CSMD3: variants seen among roughly 807,000 people sequenced by gnomAD.
The protein encoded by CSMD3 is CUB and Sushi multiple domains 3, also known as CUB and sushi domain-containing protein 3.
A neutral mutation model predicts 435.2 loss-of-function variants in CSMD3; 177 were observed. The observed-to-expected ratio is 0.41, with a 90% confidence interval of 0.36 to 0.46. CSMD3 has a LOEUF of 0.46. Ranked by LOEUF, CSMD3 falls within the 20% of genes least tolerant of loss-of-function variation. The pLI, the probability that CSMD3 is intolerant of heterozygous loss-of-function variation, is 0.34. For missense variants in CSMD3, 4,265 were observed against 4,504.6 expected, an observed-to-expected ratio of 0.95 and a Z score of 1.52; for synonymous variants, 1,656 against 1,520.5, an observed-to-expected ratio of 1.09 and a Z score of -2.07.
chr8:112,876,027 T>C (rs1250402941), intron 10 of CSMD3, among the ~76,000 whole-genome samples: 3 of 152,172 alleles, frequency 2.0e-5, no homozygotes, highest in African/African-American at 7.2e-5. Flanking sequence ...CCTTTTTGCA[T>C]TGGTTTTTCC....
At chr8:112,845,343 A>T (rs1225704370) in intron 11 of CSMD3, among the ~76,000 whole-genome samples, 1 of 152,074 alleles carries the variant, frequency 6.6e-6, no homozygotes, top group African/African-American at 2.4e-5. Context: ...AGTTATGCAG[A>T]GTAAGCTTTC....
chr8:113,166,098 A>G (rs1177067103), intron 4 of CSMD3, among the ~76,000 whole-genome samples: 1 of 152,150 alleles, frequency 6.6e-6, no homozygotes, highest in Non-Finnish European at 1.5e-5. Context: ...TTCAAATACA[A>G]AACTCCCATA....
At position 112,953,127 on chromosome 8, in the gene CSMD3, G is replaced by A. The variant is rs570285378; in HGVS notation, c.1420+1557C>T. Among the ~76,000 whole-genome samples, 9 of 151,082 alleles carry A rather than the reference G, an allele frequency of 6.0e-5. No homozygotes were observed. In the South Asian group the frequency reaches 1.9e-3, roughly 31 times the overall value. ...ATACGTGTAGACAAATTGAGAAGAG[G>A]GTAAGCCATTCTAATACGCTGTAAT... On this transcript the variant is annotated intron_variant, in intron 8 of 70. Transcript: ENST00000297405.
rs201269934 is a variant in CSMD3 at position 113,098,905 on chromosome 8, A to T, written c.768T>A (p.Ser256Arg). The change falls in exon 5 of 71, where the codon AGT (serine) becomes AGA (arginine). Residue 256 changes from serine (S) to arginine (R), a missense_variant. Around this residue, in one of 3 missense-constraint regions of CSMD3, gnomAD observed 731 missense variants for 755.4 expected, o/e 0.97. Transcript: ENST00000297405. ...RGSSGIISSP[S>R]FPNEYHNNAD... is the part of the protein sequence containing the mutation. ...CATTGTTATGGTACTCATTAGGAAA[A>T]CTAGGGCTGGATATGATGCCACTGG... is the stretch of plus-strand genomic sequence containing the variant. 7.4e-6 allele frequency: 12 copies of T among 1,612,924 alleles called. No homozygotes were observed. The East Asian group carries it at 2.7e-4, about 36-fold the overall frequency.
chr8:113,263,698 T>C (rs2093445236), intron 3 of CSMD3, among the ~76,000 whole-genome samples: 1 of 151,860 alleles, frequency 6.6e-6, no homozygotes, highest in Non-Finnish European at 1.5e-5. Flanking sequence ...TGAACATATA[T>C]GATTAAAAGA....
chr8:113,261,217 A>G (rs2093424570), intron 3 of CSMD3, among the ~76,000 whole-genome samples: 1 of 152,162 alleles, frequency 6.6e-6, no homozygotes, highest in African/African-American at 2.4e-5. Flanking sequence ...TAAACTTACC[A>G]AAATAATAAT....
chr8:113,361,331 T>G (rs964568954), intron 1 of CSMD3, among the ~76,000 whole-genome samples: 5 of 152,158 alleles, frequency 3.3e-5, no homozygotes, highest in Non-Finnish European at 7.4e-5. Flanking sequence ...AACCCATATT[T>G]TGAACCAGTT....
chr8:113,004,561 T>C (rs1019781658), intron 6 of CSMD3, among the ~76,000 whole-genome samples: 1 of 152,036 alleles, frequency 6.6e-6, no homozygotes, highest in African/African-American at 2.4e-5. Context: ...TCTTTGACTT[T>C]AATCAGTGGT....
intron 43 of CSMD3, 38 bp downstream of exon 43, chr8:112,337,505 G>A (rs776775397): frequency 1.3e-6 from 2 of 1,515,018 alleles, no homozygotes; most frequent in Non-Finnish European, 1.8e-6. Context: ...AAAAACAGAT[G>A]ACATCACCTA....
chr8:112,362,925 A>T (rs977145379), intron 38 of CSMD3, among the ~76,000 whole-genome samples: 2 of 152,004 alleles, frequency 1.3e-5, no homozygotes, highest in African/African-American at 4.8e-5. Flanking sequence ...TGTTTTTCTC[A>T]AAAACACATT....
intron 3 of CSMD3, among the ~76,000 whole-genome samples, chr8:113,268,984 G>T (rs532368473): frequency 2.0e-5 from 3 of 152,188 alleles, no homozygotes; most frequent in South Asian, 4.1e-4. Flanking sequence ...AAGCTATCAT[G>T]AATTTTAGTC....
intron 11 of CSMD3, among the ~76,000 whole-genome samples, chr8:112,856,103 G>T (rs2080650960): frequency 6.6e-6 from 1 of 151,852 alleles, no homozygotes; most frequent in Non-Finnish European, 1.5e-5. Flanking sequence ...CAAAGACTAG[G>T]TATGTTTAAA....
intron 2 of CSMD3, among the ~76,000 whole-genome samples, chr8:113,278,974 A>G (rs1340559722): frequency 1.3e-5 from 2 of 151,586 alleles, no homozygotes; most frequent in African/African-American, 4.8e-5. Flanking sequence ...CTGATATACA[A>G]TTCTTTCCTG....
At chr8:112,584,482 C>T (rs973725694) in intron 23 of CSMD3, among the ~76,000 whole-genome samples, 7 of 151,642 alleles carry the variant, frequency 4.6e-5, no homozygotes, top group Admixed American at 4.6e-4. Context: ...TGAGTGCCAT[C>T]CTGGACACTG....
At position 112,319,088 on chromosome 8, in the gene CSMD3, A is replaced by G. The variant is rs539284782; in HGVS notation, c.7247-138T>C. The G allele has an allele frequency of 1.5e-4, 98 of 672,702 alleles. 1 individual carries two copies. The African/African-American group carries it at 1.7e-3, about 12-fold the overall frequency. The allele number at this position is 672,702 out of a possible 1,614,324, so 41.7% of individuals were successfully genotyped here. On this transcript the variant is annotated intron_variant, in intron 46 of 70. Coordinates refer to ENST00000297405, the MANE Select transcript of CSMD3 (RefSeq NM_198123.2). ...AAAAATGTTATTAGGTATAAGTAGG[A>G]GTTATATTCAAAATATTGAAAAACC...
chr8:112,983,349 A>G lies in CSMD3; in HGVS notation c.1031-7201T>C, dbSNP rs966330935. The stretch of plus-strand genomic sequence containing the variant: ...TATGGAAGTGTCATCATTTTTCATT[A>G]ATTGTAGATGTTCTTTAATGCCTAA... On this transcript the variant is annotated intron_variant, in intron 6 of 70. Transcript: ENST00000297405. 2.0e-5 allele frequency among the ~76,000 whole-genome samples: 3 copies of G among 151,518 alleles called. No homozygotes were observed. The Admixed American group carries it at 2.0e-4, about 10-fold the overall frequency.
intron 6 of CSMD3, among the ~76,000 whole-genome samples, chr8:112,991,848 G>A (rs886882547): frequency 2.0e-5 from 3 of 151,646 alleles, no homozygotes; most frequent in African/African-American, 4.8e-5. Context: ...AGGTACTTTC[G>A]TTTTTTTGCA....
At chr8:112,853,309 T>A (rs143201717) in intron 11 of CSMD3, among the ~76,000 whole-genome samples, 1 of 152,138 alleles carries the variant, frequency 6.6e-6, no homozygotes, top group African/African-American at 2.4e-5. Flanking sequence ...CACTGTAAGC[T>A]CTGCCTCCCG....
rs2131201707 is a variant in CSMD3, at chr8:112,552,647, G to A, written c.4308C>T (p.Asp1436=). 6.2e-7 allele frequency: 1 copy of A among 1,611,966 alleles called. No homozygotes were observed. The highest frequency in any genetic ancestry group is 2.2e-5 in the East Asian group (1 of 44,738). ...TCATCCACATGCAACGCAGGTTATT[G>A]TCATATGGAAAAGGATAGCCAGGAG... The part of the protein sequence containing the change: ...ILSPGYPFPY[D]NNLRCMWMIE... The change falls in exon 26 of 71, where the codon GAC becomes GAT. Residue 1436 remains aspartate (D), a synonymous_variant. Coordinates refer to ENST00000297405, the MANE Select transcript of CSMD3 (RefSeq NM_198123.2).
Sources: allele counts gnomAD v4.1 joint callset (sites outside exome capture counted in the v4.1 genomes callset), GRCh38; gene constraint gnomAD v4.1.1; regional missense constraint gnomAD v4.1.1; transcripts MANE v1.5; gene names NCBI Gene and HGNC (gene_info 2026-07-23, HGNC 2026-07-21).